UBAP2: variants seen among roughly 807,000 people sequenced by gnomAD.
UBAP2 encodes ubiquitin-associated protein 2.
Under a neutral mutation model 139.6 loss-of-function variants are expected in UBAP2, and 75 were observed. The observed-to-expected ratio is 0.54, with a 90% CI of 0.45 to 0.65. The LOEUF is 0.65. Among genes scored for constraint, UBAP2 ranks in the 30% least tolerant of loss-of-function variants. UBAP2 has a pLI of 0.00. For synonymous variants in UBAP2, 526 were observed against 526.2 expected (o/e 1.00, Z 0.01); for missense variants, 1,368 against 1,369.6 (o/e 1.00, Z 0.02).
chr9:33,993,997 C>A (rs886871000), intron 4 of UBAP2, among the ~76,000 whole-genome samples: 1 of 150,828 alleles, frequency 6.6e-6, no homozygotes, highest in Non-Finnish European at 1.5e-5. Flanking sequence ...CGGGTTCAAG[C>A]AATTCTCCTG....
intron 2 of UBAP2, among the ~76,000 whole-genome samples, chr9:34,000,393 G>C (rs899717473): frequency 5.3e-5 from 8 of 152,148 alleles, no homozygotes; most frequent in Non-Finnish European, 1.0e-4. Context: ...AAGTTCTAAA[G>C]AAAGTTATTC....
At chr9:33,951,992 C>A (rs1826143249) in intron 12 of UBAP2, among the ~76,000 whole-genome samples, 1 of 152,128 alleles carries the variant, frequency 6.6e-6, no homozygotes, top group South Asian at 2.1e-4. Flanking sequence ...ACCTCATATA[C>A]CAATGATACT....
chr9:33,988,517 T>G (rs1821402345), intron 5 of UBAP2, among the ~76,000 whole-genome samples: 1 of 152,236 alleles, frequency 6.6e-6, no homozygotes, highest in South Asian at 2.1e-4. Flanking sequence ...AACCCTTGTC[T>G]ATACCATGAG....
In UBAP2 at chr9:33,983,981, G is replaced by A. The variant is rs753939529; in HGVS notation, c.520+2779C>T. Among the ~76,000 whole-genome samples, 4 of 151,786 alleles carry A rather than the reference G, an allele frequency of 2.6e-5. No homozygotes were observed. The South Asian group carries it at 8.3e-4, about 32-fold the overall frequency. On this transcript the variant is annotated intron_variant, in intron 6 of 28. Transcript: ENST00000379238. Reference sequence around the variant, plus strand: ...GGCTAGAGTGCAATGGTACAATCTCGGCTCACTGCAGCCTCCACTTCCCCC... The same window carrying A: ...GGCTAGAGTGCAATGGTACAATCTCAGCTCACTGCAGCCTCCACTTCCCCC...
intron 8 of UBAP2, among the ~76,000 whole-genome samples, chr9:33,969,026 A>G (rs1375168786): frequency 6.6e-6 from 1 of 152,214 alleles, no homozygotes; most frequent in African/African-American, 2.4e-5. Flanking sequence ...ATGGCTGAAC[A>G]TTATTCCATT....
intron 6 of UBAP2, among the ~76,000 whole-genome samples, chr9:33,980,055 C>T (rs71519300): frequency 6.6e-6 from 1 of 151,352 alleles, no homozygotes; most frequent in Non-Finnish European, 1.5e-5. Flanking sequence ...CCAGCCTGGG[C>T]GACAGAGACA....
chr9:34,012,863 G>T (rs1386500822), intron 2 of UBAP2, among the ~76,000 whole-genome samples: 1 of 150,096 alleles, frequency 6.7e-6, no homozygotes, highest in Non-Finnish European at 1.5e-5. Context: ...TTAAATTGAG[G>T]TTCACGGTCA....
chr9:34,032,597 T>C (rs1163943455), intron 1 of UBAP2, among the ~76,000 whole-genome samples: 2 of 152,186 alleles, frequency 1.3e-5, no homozygotes, highest in Admixed American at 6.6e-5. Flanking sequence ...ACTACAGTCA[T>C]GATGACCACA....
chr9:34,022,213 C>T (rs1383158432), intron 1 of UBAP2, among the ~76,000 whole-genome samples: 3 of 151,854 alleles, frequency 2.0e-5, no homozygotes, highest in Non-Finnish European at 4.4e-5. Context: ...CCACTGCACT[C>T]CAACCTGGGC....
At chr9:34,032,649 T>A (rs371616879) in intron 1 of UBAP2, among the ~76,000 whole-genome samples, 3 of 152,228 alleles carry the variant, frequency 2.0e-5, no homozygotes, top group East Asian at 3.9e-4. Flanking sequence ...TTAGGCTGGG[T>A]GTGGTGGCTC....
At position 34,042,377 on chromosome 9, in the gene UBAP2, T is replaced by C. The variant is rs1827173959; in HGVS notation, c.-42+6448A>G. ...CCTATAATCCGAGCTACTCGGGAGATGGAGGCTGGAGATTCGCTTGAACTT... is the reference window on the plus strand; with the variant it reads ...CCTATAATCCGAGCTACTCGGGAGACGGAGGCTGGAGATTCGCTTGAACTT... On this transcript the variant is annotated intron_variant, in intron 1 of 28. Transcript: ENST00000379238. 8.1e-5 allele frequency among the ~76,000 whole-genome samples: 12 copies of C among 148,962 alleles called. No individual in the cohort carries two copies. In the South Asian group the frequency reaches 2.5e-3, roughly 31 times the overall value.
chr9:33,953,180 A>G, intron 12 of UBAP2, 105 bp downstream of exon 12: 1 of 1,157,540 alleles, frequency 8.6e-7, no homozygotes, highest in South Asian at 1.8e-5. Flanking sequence ...TACTGTAGAT[A>G]TTTTTATATT....
At chr9:33,951,332 A>ATTTT (rs57473520) in intron 12 of UBAP2, among the ~76,000 whole-genome samples, 16 of 69,002 alleles carry the variant, frequency 2.3e-4, no homozygotes, top group African/African-American at 7.7e-4. Flanking sequence ...CTCCCCAATG[A>ATTTT]TTTTTTTTTT....
intron 17 of UBAP2, chr9:33,934,364 T>C: frequency 6.4e-6 from 1 of 155,842 alleles, no homozygotes; most frequent in Middle Eastern, 5.2e-4. Context: ...TAAAACATCA[T>C]TGTCTTTTCC....
intron 6 of UBAP2, among the ~76,000 whole-genome samples, chr9:33,974,017 G>A (rs769822864): frequency 7.2e-5 from 11 of 152,156 alleles, no homozygotes; most frequent in Non-Finnish European, 1.0e-4. Context: ...ACCAGCCTGG[G>A]CAACATAGGG....
Position 33,926,991 on chromosome 9 carries a change from G to A in UBAP2, c.2461C>T (p.Pro821Ser), listed in dbSNP as rs2130861448. 6.2e-7 allele frequency: 1 copy of A among 1,613,888 alleles called. No individual in the cohort carries two copies. The highest frequency in any genetic ancestry group is 2.2e-5 in the East Asian group (1 of 44,868). ...CAGGAGTTCCGCCATACACTCACCG[G>A]GTAGGCAGGAAGCAGTCCTCCGGGA... ...VGPGGLLPAY[P>S]IYGYDELQML... is the part of the protein sequence containing the mutation. Residue 821 changes from proline to serine, a missense_variant and splice_region_variant, in exon 21 of 29, where the codon CCG becomes TCG. Transcript: ENST00000379238.
intron 1 of UBAP2, among the ~76,000 whole-genome samples, chr9:34,027,721 G>A (rs1017318039): frequency 2.0e-5 from 3 of 151,582 alleles, no homozygotes; most frequent in Non-Finnish European, 2.9e-5. Context: ...ATTAGCCGGG[G>A]GTGGTGGCGG....
At position 33,927,737 on chromosome 9, in the gene UBAP2, G is replaced by A. The variant is rs1391922338; in HGVS notation, c.2371+60C>T. 3.6e-5 allele frequency: 55 copies of A among 1,517,284 alleles called. No homozygotes were observed. In the Middle Eastern group the frequency reaches 7.2e-4, roughly 20 times the overall value. The allele number at this position is 1,517,284 out of a possible 1,614,324, so 94.0% of individuals were successfully genotyped here. The stretch of plus-strand genomic sequence containing the variant: ...GACACCTGCACTGCCTTCCTGGGAC[G>A]CCAAGCAGGCACCTTTGAGGGGCTC... On this transcript the variant is annotated intron_variant, in intron 20 of 28. Coordinates refer to ENST00000379238, the MANE Select transcript of UBAP2 (RefSeq NM_001370062.2).
rs992159780 is a variant in UBAP2 at position 33,948,236 on chromosome 9, T to A, written c.1270+138A>T. ...ATTGTATAACAAAGGAAGACTGATT[T>A]AACTGAGAAACTGCAAGAGTTCTAC... is the stretch of plus-strand genomic sequence containing the variant. On this transcript the variant is annotated intron_variant, in intron 13 of 28. Transcript: ENST00000379238. 16 of 675,510 alleles carry A rather than the reference T, an allele frequency of 2.4e-5. No homozygotes were observed. In the African/African-American group the frequency reaches 2.9e-4, roughly 12 times the overall value. 41.8% of individuals were successfully genotyped at this position (675,510 alleles called of 1,614,324 possible). A position where few individuals can be genotyped will look rare whatever the true frequency, so the allele number is the denominator to read the frequency against.
Sources: allele counts gnomAD v4.1 joint callset (sites outside exome capture counted in the v4.1 genomes callset), GRCh38; gene constraint gnomAD v4.1.1; transcripts MANE v1.5; gene names NCBI Gene and HGNC (gene_info 2026-07-23, HGNC 2026-07-21).